The following EPHA3 variants were observed in gnomAD, a reference collection of about 807,000 sequenced individuals.
EPHA3 encodes the protein ephrin type-A receptor 3.
A neutral mutation model predicts 107.1 loss-of-function variants in EPHA3; 42 were observed. The ratio of observed to expected loss-of-function variants is 0.39; its 90% confidence interval spans 0.31 to 0.51. The LOEUF (loss-of-function observed/expected upper bound fraction) is 0.51. Among genes scored for constraint, EPHA3 ranks in the 20% least tolerant of loss-of-function variants. The pLI, the probability that EPHA3 is intolerant of heterozygous loss-of-function variation, is 0.78. For synonymous variants in EPHA3, 461 were observed against 424.8 expected (o/e 1.09, Z -1.05); for missense variants, 1,183 against 1,211.2 (o/e 0.98, Z 0.35).
chr3:89,396,591 G>T (rs1460407207), intron 6 of EPHA3, among the ~76,000 whole-genome samples: 5 of 152,098 alleles, frequency 3.3e-5, no homozygotes, highest in African/African-American at 1.2e-4. Flanking sequence ...ATTTTGCCCT[G>T]AGTGGAGTGG....
chr3:89,142,688 T>C (rs147976801), intron 2 of EPHA3, among the ~76,000 whole-genome samples: 1 of 151,606 alleles, frequency 6.6e-6, no homozygotes, highest in African/African-American at 2.4e-5. Flanking sequence ...TCAAATACTG[T>C]GGCCAAAGTG....
intron 7 of EPHA3, among the ~76,000 whole-genome samples, chr3:89,403,744 A>G (rs193147936): frequency 1.2e-4 from 19 of 152,324 alleles, no homozygotes; most frequent in African/African-American, 4.1e-4. Context: ...GCAGCTGAGC[A>G]TTATTAGGGT....
At chr3:89,327,243 C>G (rs1214579149) in intron 3 of EPHA3, among the ~76,000 whole-genome samples, 2 of 152,060 alleles carry the variant, frequency 1.3e-5, no homozygotes, top group Non-Finnish European at 2.9e-5. Context: ...CAAGATATAT[C>G]AATTTTCAAC....
chr3:89,327,570 A>G (rs1282524430), intron 3 of EPHA3, among the ~76,000 whole-genome samples: 2 of 152,162 alleles, frequency 1.3e-5, no homozygotes, highest in East Asian at 3.9e-4. Flanking sequence ...GTGTTTTTCC[A>G]GTTCTAATTG....
At chr3:89,403,252 T>C (rs773497651) in intron 7 of EPHA3, among the ~76,000 whole-genome samples, 6 of 152,248 alleles carry the variant, frequency 3.9e-5, no homozygotes, top group African/African-American at 1.2e-4. Flanking sequence ...AGTCACACAA[T>C]TGGCAAGGGA....
At chr3:89,225,481 T>C (rs1343360194) in intron 3 of EPHA3, among the ~76,000 whole-genome samples, 1 of 152,226 alleles carries the variant, frequency 6.6e-6, no homozygotes, top group Non-Finnish European at 1.5e-5. Context: ...TAATAGCTAT[T>C]GTGTTCTCTA....
chr3:89,363,974 A>G (rs1337339533), intron 5 of EPHA3, among the ~76,000 whole-genome samples: 1 of 150,776 alleles, frequency 6.6e-6, no homozygotes, highest in Non-Finnish European at 1.5e-5. Context: ...ACCACTTATC[A>G]ATAGCAATGT....
intron 5 of EPHA3, among the ~76,000 whole-genome samples, chr3:89,350,636 C>A (rs1161422585): frequency 6.6e-6 from 1 of 151,228 alleles, no homozygotes; most frequent in Admixed American, 6.6e-5. Flanking sequence ...CATTCTCCAT[C>A]CAGCTTTGTT....
intron 3 of EPHA3, among the ~76,000 whole-genome samples, chr3:89,316,390 G>A (rs1455325502): frequency 2.0e-5 from 3 of 150,834 alleles, no homozygotes; most frequent in Non-Finnish European, 3.0e-5. Flanking sequence ...CTGCGCATTA[G>A]TTTCTATCAG....
chr3:89,134,622 C>CATTTGGGTTG (rs1559746767), intron 2 of EPHA3, among the ~76,000 whole-genome samples: 1 of 151,978 alleles, frequency 6.6e-6, no homozygotes, highest in Non-Finnish European at 1.5e-5. Context: ...TATCATTGTT[C>CATTTGGGTTG]GACATTTGGG....
At chr3:89,176,453 C>T (rs555690023) in intron 2 of EPHA3, among the ~76,000 whole-genome samples, 109 of 145,036 alleles carry the variant, frequency 7.5e-4, no homozygotes, top group Non-Finnish European at 1.2e-3. Flanking sequence ...GCCAAGGTTG[C>T]GCCACTCTAC....
chr3:89,413,386 A>C, intron 10 of EPHA3, 120 bp downstream of exon 10: 1 of 1,283,488 alleles, frequency 7.8e-7, no homozygotes, highest in Admixed American at 1.8e-5. Context: ...ATCAAAGGCA[A>C]GTAATAAATA....
At chr3:89,145,057 C>G (rs1470751115) in intron 2 of EPHA3, among the ~76,000 whole-genome samples, 1 of 151,580 alleles carries the variant, frequency 6.6e-6, no homozygotes, top group African/African-American at 2.4e-5. Context: ...AAGACAAGTT[C>G]TTTTTCCTTT....
chr3:89,251,974 G>T (rs1414870357), intron 3 of EPHA3, among the ~76,000 whole-genome samples: 1 of 152,002 alleles, frequency 6.6e-6, no homozygotes. Flanking sequence ...AACAAGCATG[G>T]ATAAAAGTAA....
At chr3:89,474,223 CA>C (rs1302311057) in intron 16 of EPHA3, among the ~76,000 whole-genome samples, 1 of 152,056 alleles carries the variant, frequency 6.6e-6, no homozygotes, top group Non-Finnish European at 1.5e-5. Flanking sequence ...GAAGGACTTA[CA>C]GGAACAGTTT....
At chr3:89,351,388 G>C (rs1367942327) in intron 5 of EPHA3, among the ~76,000 whole-genome samples, 1 of 150,710 alleles carries the variant, frequency 6.6e-6, no homozygotes, top group Non-Finnish European at 1.5e-5. Context: ...TTCCAGGTGC[G>C]TCCGTCACCC....
At position 89,390,031 on chromosome 3, in the gene EPHA3, G is replaced by A. The variant is rs547415202; in HGVS notation, c.1307-5806G>A. Among the ~76,000 whole-genome samples, 52 of 151,862 alleles carry A rather than the reference G, an allele frequency of 3.4e-4. 1 individual carries two copies. In the South Asian group the frequency reaches 8.1e-3, roughly 24 times the overall value. On this transcript the variant is annotated intron_variant, in intron 5 of 16. Coordinates refer to ENST00000336596, the MANE Select transcript of EPHA3 (RefSeq NM_005233.6). ...TTTTGAGACTGAGTCTCACTCTGTC[G>A]CCCTGACTGAAGTGTGGTGGTGTCA...
chr3:89,121,058 T>A, intron 1 of EPHA3, among the ~76,000 whole-genome samples: 1 of 151,734 alleles, frequency 6.6e-6, no homozygotes, highest in East Asian at 2.0e-4. Flanking sequence ...ACTAACGCGG[T>A]GAAACCCCGT....
intron 5 of EPHA3, among the ~76,000 whole-genome samples, chr3:89,351,017 C>T (rs1184801985): frequency 6.6e-6 from 1 of 151,396 alleles, no homozygotes; most frequent in African/African-American, 2.4e-5. Flanking sequence ...CTGCTCTCTT[C>T]AAAGCTGTCA....
Sources: allele counts gnomAD v4.1 joint callset (sites outside exome capture counted in the v4.1 genomes callset), GRCh38; gene constraint gnomAD v4.1.1; transcripts MANE v1.5; gene names NCBI Gene and HGNC (gene_info 2026-07-23, HGNC 2026-07-21).